ZNF521: variants seen among roughly 807,000 people sequenced by gnomAD.
ZNF521 encodes the protein zinc finger protein 521, also known as LYST-interacting protein 3.
In ZNF521, 14 loss-of-function variants were observed where a neutral mutation model predicts 105.5. The observed-to-expected ratio is 0.13, with a 90% confidence interval of 0.09 to 0.21. The LOEUF is 0.21. Among genes scored for constraint, ZNF521 ranks in the 10% least tolerant of loss-of-function variants. The probability of loss-of-function intolerance (pLI) is 1.00; values close to 1 mark genes in which losing one functional copy is unlikely to be tolerated. For missense variants in ZNF521, 1,233 were observed against 1,629.7 expected (o/e 0.76, Z 4.19); for synonymous variants, 635 against 606.0 (o/e 1.05, Z -0.70).
chr18:25,335,210 T>C lies in ZNF521; in HGVS notation c.41-13023A>G, dbSNP rs376854609. Among the ~76,000 whole-genome samples, 14 of 152,326 alleles carry C rather than the reference T, an allele frequency of 9.2e-5. No homozygotes were observed. The South Asian group carries it at 2.7e-3, about 29-fold the overall frequency. ...GTTGGAAAAGTCACTTTTCCTCCCA[T>C]CACCTAAAATGTGTATAGCCATGAA... is the stretch of plus-strand genomic sequence containing the variant. On this transcript the variant is annotated intron_variant, in intron 2 of 7. Coordinates refer to ENST00000361524, the MANE Select transcript of ZNF521 (RefSeq NM_015461.3).
chr18:25,211,174 G>A (rs1214256297), intron 4 of ZNF521, among the ~76,000 whole-genome samples: 2 of 152,196 alleles, frequency 1.3e-5, no homozygotes, highest in Non-Finnish European at 2.9e-5. Context: ...TAATAAACTT[G>A]TAGTAATGAA....
chr18:25,258,239 G>A (rs950526003), intron 3 of ZNF521, among the ~76,000 whole-genome samples: 1 of 152,138 alleles, frequency 6.6e-6, no homozygotes, highest in Non-Finnish European at 1.5e-5. Context: ...TGTTATTGAC[G>A]ATAAGGTTTG....
At chr18:25,084,033 C>T (rs1311546384) in intron 7 of ZNF521, among the ~76,000 whole-genome samples, 1 of 148,676 alleles carries the variant, frequency 6.7e-6, no homozygotes, top group East Asian at 2.0e-4. Flanking sequence ...ATCCGCCTGC[C>T]TCAGCCTCTC....
chr18:25,232,130 C>A (rs928514608), intron 3 of ZNF521, among the ~76,000 whole-genome samples: 2 of 152,144 alleles, frequency 1.3e-5, no homozygotes, highest in Admixed American at 6.5e-5. Flanking sequence ...AGAAGAAGCA[C>A]AAATACTGAT....
intron 5 of ZNF521, among the ~76,000 whole-genome samples, chr18:25,111,044 T>G (rs898032695): frequency 6.6e-6 from 1 of 152,012 alleles, no homozygotes; most frequent in Non-Finnish European, 1.5e-5. Context: ...ATTACAGGCG[T>G]GAGCCACCAC....
intron 5 of ZNF521, among the ~76,000 whole-genome samples, chr18:25,112,384 G>C (rs901724058): frequency 6.6e-6 from 1 of 151,970 alleles, no homozygotes; most frequent in Non-Finnish European, 1.5e-5. Flanking sequence ...CTAGAAAGGC[G>C]TACCCCTGCC....
At chr18:25,089,044 C>T (rs1219698718) in intron 7 of ZNF521, among the ~76,000 whole-genome samples, 1 of 152,168 alleles carries the variant, frequency 6.6e-6, no homozygotes, top group Non-Finnish European at 1.5e-5. Flanking sequence ...CGATTTCTTT[C>T]TTTTCTTCCC....
rs1909585997 is a variant in ZNF521, at chr18:25,270,615, G to A, written c.221-42918C>T. On this transcript the variant is annotated intron_variant, in intron 3 of 7. Transcript: ENST00000361524. Reference sequence around the variant, plus strand: ...GCTTCATCCCTGGGATGCAAGGCTGGTTCAATATACGCAAATCAATAAACA... The same window carrying A: ...GCTTCATCCCTGGGATGCAAGGCTGATTCAATATACGCAAATCAATAAACA... 2.0e-5 allele frequency among the ~76,000 whole-genome samples: 3 copies of A among 152,222 alleles called. 1 individual carries two copies. In the South Asian group the frequency reaches 6.2e-4, roughly 32 times the overall value.
intron 3 of ZNF521, among the ~76,000 whole-genome samples, chr18:25,311,474 G>A (rs936333134): frequency 7.3e-5 from 11 of 151,704 alleles, no homozygotes; most frequent in Non-Finnish European, 5.9e-5. Context: ...GCCCTTATGT[G>A]CACACAACTG....
chr18:25,331,617 T>G (rs898223520), intron 2 of ZNF521, among the ~76,000 whole-genome samples: 1 of 152,186 alleles, frequency 6.6e-6, no homozygotes, highest in Non-Finnish European at 1.5e-5. Context: ...ATACTAATAC[T>G]TACACCAACT....
chr18:25,134,003 G>C (rs2034687005), intron 5 of ZNF521, among the ~76,000 whole-genome samples: 1 of 152,102 alleles, frequency 6.6e-6, no homozygotes, highest in African/African-American at 2.4e-5. Flanking sequence ...TTGTGCCACA[G>C]AGTAATGACA....
At position 25,257,837 on chromosome 18, in the gene ZNF521, T is replaced by C. The variant is rs562858870; in HGVS notation, c.221-30140A>G. Among the ~76,000 whole-genome samples the C allele has an allele frequency of 4.6e-4, 70 of 152,310 alleles. 1 individual carries two copies. The highest frequency in any genetic ancestry group is 3.4e-3 in the Middle Eastern group (1 of 294). On this transcript the variant is annotated intron_variant, in intron 3 of 7. Transcript: ENST00000361524. ...TTGGGAAGAGGTCCATATCCCATTA[T>C]AACGGGTGAAGCTCAACAACTTTCT...
intron 2 of ZNF521, among the ~76,000 whole-genome samples, chr18:25,328,687 G>A (rs1472335728): frequency 6.6e-6 from 1 of 151,826 alleles, no homozygotes; most frequent in Non-Finnish European, 1.5e-5. Context: ...TGAGTAGCTG[G>A]GATTACAGGC....
intron 3 of ZNF521, among the ~76,000 whole-genome samples, chr18:25,274,659 T>A (rs1174700026): frequency 1.3e-5 from 2 of 152,236 alleles, no homozygotes; most frequent in African/African-American, 4.8e-5. Context: ...ATATTTATGA[T>A]ACTGTTGTGG....
chr18:25,326,877 T>G (rs2145161572), intron 2 of ZNF521, among the ~76,000 whole-genome samples: 1 of 152,324 alleles, frequency 6.6e-6, no homozygotes, highest in South Asian at 2.1e-4. Flanking sequence ...ACTGGACCAC[T>G]TCCTAACAGT....
chr18:25,312,367 C>T (rs184878691), intron 3 of ZNF521, among the ~76,000 whole-genome samples: 33 of 152,198 alleles, frequency 2.2e-4, no homozygotes, highest in Admixed American at 3.9e-4. Flanking sequence ...ACAAATATAT[C>T]AAGAAGAGAA....
intron 3 of ZNF521, among the ~76,000 whole-genome samples, chr18:25,308,273 C>T (rs1912093402): frequency 6.7e-6 from 1 of 149,332 alleles, no homozygotes; most frequent in Admixed American, 6.7e-5. Context: ...CCCTGATTGA[C>T]ACCTTGATGG....
chr18:25,241,890 G>A (rs1351556354), intron 3 of ZNF521, among the ~76,000 whole-genome samples: 3 of 151,858 alleles, frequency 2.0e-5, no homozygotes, highest in Non-Finnish European at 2.9e-5. Flanking sequence ...TCAAACCCAC[G>A]CTGCCTTAGA....
chr18:25,189,969 T>A (rs2035789407), intron 5 of ZNF521, among the ~76,000 whole-genome samples: 1 of 152,168 alleles, frequency 6.6e-6, no homozygotes, highest in Non-Finnish European at 1.5e-5. Context: ...GTTAATATCA[T>A]GACAGCTGAG....
Sources: gnomAD v4.1 joint callset for allele counts (sites outside exome capture counted in the v4.1 genomes callset) on GRCh38, gnomAD v4.1.1 for gene constraint, MANE v1.5 for transcripts, NCBI Gene and HGNC (gene_info 2026-07-23, HGNC 2026-07-21) for gene names.